SYTL5: variants seen among roughly 807,000 people sequenced by gnomAD.
SYTL5 encodes synaptotagmin like 5.
SYTL5 carries 34 observed loss-of-function variants against 55.9 expected under a neutral mutation model. The ratio of observed to expected loss-of-function variants is 0.61; its 90% CI spans 0.46 to 0.81. The LOEUF (loss-of-function observed/expected upper bound fraction) is 0.81, where lower values mean the gene tolerates loss of function less well. SYTL5 is among the 30% of genes least tolerant of loss of function. The pLI is 0.00. For synonymous variants in SYTL5, 221 were observed against 188.7 expected (o/e 1.17, Z -1.40); for missense variants, 637 against 546.7 (o/e 1.17, Z -1.65).
Position 38,033,675 on chromosome X carries a change from C to T in SYTL5, c.-215C>T. ...CATTTTTCAGTTAAAACAATAATGA[C>T]TTTCTTGGAGTGTAATCCCAGTGGA... is the stretch of plus-strand genomic sequence containing the variant. On this transcript the variant is annotated 5_prime_UTR_variant, in exon 2 of 17. Transcript: ENST00000297875. 1 of 237,326 alleles carries T rather than the reference C, an allele frequency of 4.2e-6. No homozygotes were observed. Among genetic ancestry groups the T allele is most frequent in the Non-Finnish European group, 7.6e-6 (1 of 131,722 alleles). The allele number at this position is 237,326 out of a possible 1,213,427, so 19.6% of individuals were successfully genotyped here. A position where few individuals can be genotyped will look rare whatever the true frequency, so the allele number is the denominator to read the frequency against.
At chrX:37,966,947 G>T in the SYTL5 span, among the ~76,000 whole-genome samples, 1 of 111,907 alleles carries the variant, frequency 8.9e-6, no homozygotes, top group Non-Finnish European at 1.9e-5. Context: ...TGTAAGGCAT[G>T]TCTAGTGTTA....
At chrX:38,065,544 C>A (rs1393403434) in intron 3 of SYTL5, among the ~76,000 whole-genome samples, 1 of 112,133 alleles carries the variant, frequency 8.9e-6, no homozygotes, top group Non-Finnish European at 1.9e-5. Flanking sequence ...TATTAAAAAT[C>A]AACTGTCATG....
Position 38,094,425 on chromosome X carries a change from G to A in SYTL5, c.961+1G>A. ...GTGTCTGGAACCTCTCTCTCCTCAGGTGGGTATTTACAATGTGCCTACTTT... is the reference window on the plus strand; with the variant it reads ...GTGTCTGGAACCTCTCTCTCCTCAGATGGGTATTTACAATGTGCCTACTTT... On this transcript the variant is annotated splice_donor_variant, in intron 8 of 16. Transcript: ENST00000297875. LOFTEE classifies it high-confidence loss of function. 1.7e-6 allele frequency: 2 copies of A among 1,194,082 alleles called. No homozygotes were observed. Among genetic ancestry groups the A allele is most frequent in the Non-Finnish European group, 2.3e-6 (2 of 883,411 alleles).
At chrX:38,103,447 T>A (rs1416299648) in intron 10 of SYTL5, among the ~76,000 whole-genome samples, 2 of 110,899 alleles carry the variant, frequency 1.8e-5, no homozygotes, top group African/African-American at 6.6e-5. Flanking sequence ...AGCCTCCGTA[T>A]TTGTGGGTTC....
the SYTL5 span, among the ~76,000 whole-genome samples, chrX:37,958,223 A>AC: frequency 5.5e-5 from 6 of 109,835 alleles, no homozygotes; most frequent in African/African-American, 1.3e-4. Context: ...AAAAAAAAAC[A>AC]AAAAAAACCC....
chrX:37,896,054 G>A, the SYTL5 span, among the ~76,000 whole-genome samples: 129 of 112,255 alleles, frequency 1.1e-3, no homozygotes, highest in African/African-American at 4.1e-3. Flanking sequence ...GCAATTACTA[G>A]GGTAGTTAAT....
chrX:38,026,876 G>A (rs143832765), intron 1 of SYTL5, among the ~76,000 whole-genome samples: 1 of 112,145 alleles, frequency 8.9e-6, no homozygotes, highest in East Asian at 2.8e-4. Flanking sequence ...AGCCCAGTAG[G>A]TTTCAGCCTC....
the SYTL5 span, among the ~76,000 whole-genome samples, chrX:37,985,720 T>A: frequency 4.1e-4 from 46 of 110,922 alleles, no homozygotes; most frequent in African/African-American, 1.5e-3. Flanking sequence ...CTCAGACTAA[T>A]TAAAAAAATA....
At chrX:38,024,842 T>C (rs1200496994) in intron 1 of SYTL5, among the ~76,000 whole-genome samples, 2 of 111,382 alleles carry the variant, frequency 1.8e-5, no homozygotes, top group Admixed American at 1.9e-4. Flanking sequence ...ATCCATATCA[T>C]TGTGAAATTA....
At chrX:38,109,956 A>G (rs185401098) in intron 12 of SYTL5, among the ~76,000 whole-genome samples, 4 of 111,353 alleles carry the variant, frequency 3.6e-5, no homozygotes, top group East Asian at 5.7e-4. Context: ...TGGAGAATGT[A>G]TATATTAAAC....
intron 13 of SYTL5, among the ~76,000 whole-genome samples, chrX:38,115,439 G>A (rs1253415395): frequency 2.4e-5 from 2 of 84,389 alleles, no homozygotes; most frequent in Non-Finnish European, 4.4e-5. Context: ...AGCCGAGATC[G>A]CGCCACTGCA....
At chrX:37,902,270 CCTTT>C in the SYTL5 span, among the ~76,000 whole-genome samples, 1 of 112,062 alleles carries the variant, frequency 8.9e-6, no homozygotes, top group African/African-American at 3.2e-5. Flanking sequence ...TTAATAGCAG[CCTTT>C]CTGTCTTAGA....
chrX:37,908,710 ACTTTTAGAGACTGCAC>A, the SYTL5 span, among the ~76,000 whole-genome samples: 8 of 110,376 alleles, frequency 7.2e-5, no homozygotes, highest in Admixed American at 4.8e-4. Context: ...GAGTGTGCTA[ACTTTTAGAGACTGCAC>A]CTTGCCTGTG....
At chrX:37,893,308 T>A in the SYTL5 span, among the ~76,000 whole-genome samples, 1 of 99,542 alleles carries the variant, frequency 1.0e-5, no homozygotes, top group Non-Finnish European at 2.0e-5. Flanking sequence ...ATATACTATA[T>A]ATGTATATAT....
the SYTL5 span, among the ~76,000 whole-genome samples, chrX:37,901,041 T>C: frequency 7.1e-5 from 8 of 112,158 alleles, no homozygotes; most frequent in African/African-American, 2.3e-4. Flanking sequence ...GATGACTGAC[T>C]CCTCAGCACA....
intron 9 of SYTL5, among the ~76,000 whole-genome samples, chrX:38,100,245 C>T (rs1344470972): frequency 9.0e-6 from 1 of 111,057 alleles, no homozygotes; most frequent in Admixed American, 9.6e-5. Flanking sequence ...ATCTTGTGGG[C>T]TCATCAGTGA....
chrX:37,915,296 C>T, the SYTL5 span, among the ~76,000 whole-genome samples: 1 of 111,915 alleles, frequency 8.9e-6, no homozygotes, highest in Non-Finnish European at 1.9e-5. Flanking sequence ...AGCAGTAAAA[C>T]TGTACCAGAT....
At chrX:37,945,343 T>A in the SYTL5 span, among the ~76,000 whole-genome samples, 1 of 112,201 alleles carries the variant, frequency 8.9e-6, no homozygotes, top group Non-Finnish European at 1.9e-5. Flanking sequence ...ATTTCATGAC[T>A]CTCATCTTAC....
chrX:37,917,986 A>T, the SYTL5 span, among the ~76,000 whole-genome samples: 1 of 111,731 alleles, frequency 9.0e-6, no homozygotes, highest in Non-Finnish European at 1.9e-5. Flanking sequence ...CCTGATGATC[A>T]AGCAGTGTGG....
Sources: allele counts gnomAD v4.1 joint callset (sites outside exome capture counted in the v4.1 genomes callset), GRCh38; gene constraint gnomAD v4.1.1; transcripts MANE v1.5; gene names NCBI Gene and HGNC (gene_info 2026-07-23, HGNC 2026-07-21).